Variants in LRRC7 observed in about 807,000 individuals in gnomAD.
LRRC7 encodes leucine rich repeat containing 7, also known as leucine-rich repeat-containing protein 7.
Under a neutral mutation model 175.7 loss-of-function variants are expected in LRRC7, and 23 were observed. That is an observed-to-expected ratio of 0.13 (90% CI 0.09 to 0.19). The LOEUF (loss-of-function observed/expected upper bound fraction) is 0.19. LRRC7 is among the 10% of genes least tolerant of loss of function. The probability of loss-of-function intolerance (pLI) is 1.00; values close to 1 mark genes in which losing one functional copy is unlikely to be tolerated. For missense variants in LRRC7, 1,354 were observed against 1,904.7 expected (o/e 0.71, Z 5.38); for synonymous variants, 685 against 680.9 (o/e 1.01, Z -0.09).
At chr1:69,612,449 A>T (rs1278749607) in intron 1 of LRRC7, among the ~76,000 whole-genome samples, 1 of 152,062 alleles carries the variant, frequency 6.6e-6, no homozygotes, top group Non-Finnish European at 1.5e-5. Context: ...ATGCTTTAAT[A>T]TACTGGGTTT....
chr1:69,611,503 C>A (rs1023478060), intron 1 of LRRC7, among the ~76,000 whole-genome samples: 1 of 152,018 alleles, frequency 6.6e-6, no homozygotes, highest in Non-Finnish European at 1.5e-5. Flanking sequence ...TTCCTGCAAG[C>A]CTTTAGCCAC....
chr1:69,854,359 C>A (rs749267373), intron 7 of LRRC7, among the ~76,000 whole-genome samples: 12 of 151,928 alleles, frequency 7.9e-5, no homozygotes, highest in African/African-American at 2.7e-4. Context: ...AAAAATTAGC[C>A]AAGCCTTGTG....
At chr1:69,699,437 G>T (rs1663052375) in intron 2 of LRRC7, among the ~76,000 whole-genome samples, 1 of 152,102 alleles carries the variant, frequency 6.6e-6, no homozygotes, top group Admixed American at 6.5e-5. Context: ...CTACTCGGGA[G>T]GCTGAGGCAG....
intron 2 of LRRC7, among the ~76,000 whole-genome samples, chr1:69,718,191 G>C (rs1381222318): frequency 2.0e-5 from 2 of 100,792 alleles, no homozygotes; most frequent in Admixed American, 1.8e-4. Flanking sequence ...AAAAGAAAGA[G>C]AGAGAGAAAG....
chr1:69,705,106 G>A (rs1164216732), intron 2 of LRRC7, among the ~76,000 whole-genome samples: 2 of 152,040 alleles, frequency 1.3e-5, no homozygotes, highest in East Asian at 1.9e-4. Flanking sequence ...AGATTAGAAA[G>A]ACACTGTTAC....
intron 7 of LRRC7, among the ~76,000 whole-genome samples, chr1:69,877,392 A>G (rs77277321): frequency 6.6e-6 from 1 of 152,122 alleles, no homozygotes; most frequent in African/African-American, 2.4e-5. Context: ...GTTTGAGGCT[A>G]CAATGAGCTA....
At chr1:69,801,513 A>G (rs1009340450) in intron 4 of LRRC7, among the ~76,000 whole-genome samples, 1 of 151,610 alleles carries the variant, frequency 6.6e-6, no homozygotes, top group African/African-American at 2.4e-5. Context: ...AGACTTATTC[A>G]TGGTAGTCTC....
At chr1:69,939,021 A>ATATATATATCTATATATATCTATATC (rs879443314) in intron 8 of LRRC7, among the ~76,000 whole-genome samples, 2 of 118,468 alleles carry the variant, frequency 1.7e-5, no homozygotes, top group South Asian at 5.2e-4. Flanking sequence ...ATATCTATAT[A>ATATATATATCTATATATATCTATATC]TATATATATC....
chr1:69,914,078 A>G (rs1049116864), intron 7 of LRRC7, among the ~76,000 whole-genome samples: 1 of 152,186 alleles, frequency 6.6e-6, no homozygotes, highest in Non-Finnish European at 1.5e-5. Context: ...TCAGACAGCA[A>G]TAACTGGGAG....
chr1:69,676,675 C>A (rs1214656096), intron 1 of LRRC7, among the ~76,000 whole-genome samples: 1 of 152,024 alleles, frequency 6.6e-6, no homozygotes, highest in Admixed American at 6.6e-5. Context: ...ATATTAACCA[C>A]TTTTTTCAAG....
chr1:69,615,704 G>T (rs1321066469), intron 1 of LRRC7, among the ~76,000 whole-genome samples: 2 of 151,996 alleles, frequency 1.3e-5, no homozygotes, highest in Non-Finnish European at 2.9e-5. Flanking sequence ...AGAAATTTGA[G>T]AAGAAAGGGT....
At chr1:69,629,962 G>A (rs1195438392) in intron 1 of LRRC7, among the ~76,000 whole-genome samples, 3 of 152,040 alleles carry the variant, frequency 2.0e-5, no homozygotes, top group Non-Finnish European at 2.9e-5. Context: ...ATCATCAGAT[G>A]TGAAATTTAT....
At chr1:69,911,378 C>T (rs1428461538) in intron 7 of LRRC7, among the ~76,000 whole-genome samples, 2 of 152,232 alleles carry the variant, frequency 1.3e-5, no homozygotes, top group African/African-American at 4.8e-5. Context: ...AATTGCCAAA[C>T]TGCTTTCCAC....
At position 69,715,820 on chromosome 1, in the gene LRRC7, A is replaced by T. The variant is rs955758042; in HGVS notation, c.100+37342A>T. Among the ~76,000 whole-genome samples the T allele has an allele frequency of 4.6e-5, 7 of 152,172 alleles. 1 individual carries two copies. Among genetic ancestry groups the T allele is most frequent in the Middle Eastern group, 3.4e-3 (1 of 292 alleles). On this transcript the variant is annotated intron_variant, in intron 2 of 26. Coordinates refer to ENST00000651989, the MANE Select transcript of LRRC7 (RefSeq NM_001370785.2). Reference sequence around the variant, plus strand: ...AAAATACATTTTACATTTATTATTTAGTTATTAGAAATAAAATAGGCAAGA... The same window carrying T: ...AAAATACATTTTACATTTATTATTTTGTTATTAGAAATAAAATAGGCAAGA...
chr1:69,719,359 T>C (rs1322413873), intron 2 of LRRC7, among the ~76,000 whole-genome samples: 1 of 151,710 alleles, frequency 6.6e-6, no homozygotes, highest in South Asian at 2.1e-4. Context: ...TTCCTCTCTT[T>C]GGATCATTCC....
At chr1:70,074,884 A>G (rs181902583) in intron 23 of LRRC7, among the ~76,000 whole-genome samples, 2 of 152,024 alleles carry the variant, frequency 1.3e-5, no homozygotes, top group South Asian at 2.1e-4. Context: ...ATTAAATTTA[A>G]TCTCTTCCAT....
chr1:69,588,920 T>G (rs1190017759), intron 1 of LRRC7, among the ~76,000 whole-genome samples: 1 of 152,120 alleles, frequency 6.6e-6, no homozygotes, highest in Non-Finnish European at 1.5e-5. Context: ...TTGCTTCATG[T>G]CTGAGACAGT....
chr1:70,106,347 A>G (rs535024280), intron 25 of LRRC7, among the ~76,000 whole-genome samples: 1 of 152,138 alleles, frequency 6.6e-6, no homozygotes, highest in African/African-American at 2.4e-5. Flanking sequence ...GTTTCTGTGC[A>G]TTTGCCTATT....
At chr1:69,882,303 C>T (rs578140347) in intron 7 of LRRC7, among the ~76,000 whole-genome samples, 4 of 152,094 alleles carry the variant, frequency 2.6e-5, no homozygotes, top group East Asian at 1.9e-4. Context: ...GAAAACGGTA[C>T]GAAGATTCCT....
Sources: gnomAD v4.1 joint callset for allele counts (sites outside exome capture counted in the v4.1 genomes callset) on GRCh38, gnomAD v4.1.1 for gene constraint, MANE v1.5 for transcripts, NCBI Gene and HGNC (gene_info 2026-07-23, HGNC 2026-07-21) for gene names.